ZDHHC11B: variants seen among roughly 807,000 people sequenced by gnomAD.
ZDHHC11B encodes zDHHC palmitoyltransferase 11B (putative).
A neutral mutation model predicts 42.3 loss-of-function variants in ZDHHC11B; 17 were observed. The ratio of observed to expected loss-of-function variants is 0.40; its 90% CI spans 0.27 to 0.60. ZDHHC11B has a LOEUF of 0.60. Ranked by LOEUF, ZDHHC11B falls within the 20% of genes least tolerant of loss-of-function variation. The probability of loss-of-function intolerance (pLI) is 0.41; values close to 1 mark genes in which losing one functional copy is unlikely to be tolerated. For missense variants in ZDHHC11B, 262 were observed against 463.2 expected (o/e 0.57, Z 3.99); for synonymous variants, 123 against 193.5 (o/e 0.64, Z 3.02).
Position 733,728 on chromosome 5 carries a change from G to A in ZDHHC11B, c.1023+24C>T, listed in dbSNP as rs764424464. 32 of 1,596,016 alleles carry A rather than the reference G, an allele frequency of 2.0e-5. 1 individual carries two copies. The highest frequency in any genetic ancestry group is 1.1e-4 in the African/African-American group (8 of 74,046). ...CTGCACACGGCCCTGTCCTCAGGGT[G>A]CATTGCTGGTGACTGCAACTTACCT... On this transcript the variant is annotated intron_variant, in intron 11 of 13. Coordinates refer to ENST00000508859, the MANE Select transcript of ZDHHC11B (RefSeq NM_001351303.2).
At chr5:775,426 GAGAA>G (rs1340599048) in intron 1 of ZDHHC11B, among the ~76,000 whole-genome samples, 1 of 152,002 alleles carries the variant, frequency 6.6e-6, no homozygotes, top group Non-Finnish European at 1.5e-5. Flanking sequence ...TGTCTCTGCG[GAGAA>G]AGACTCTGTG....
Position 777,548 on chromosome 5 carries a change from G to A in ZDHHC11B, c.-230+7120C>T, listed in dbSNP as rs148283689. Among the ~76,000 whole-genome samples, 339 of 151,860 alleles carry A rather than the reference G, an allele frequency of 2.2e-3. 10 individuals carry two copies. The highest frequency in any genetic ancestry group is 6.8e-3 in the Middle Eastern group (2 of 294). On this transcript the variant is annotated intron_variant, in intron 1 of 13. Transcript: ENST00000508859. ...ACAGCGGAGAAGAGAATGGAGTCAG[G>A]TTGCGGCAGGGCGTTCCGGCTACCC...
intron 4 of ZDHHC11B, among the ~76,000 whole-genome samples, chr5:760,952 G>A (rs1175330231): frequency 1.3e-5 from 2 of 151,686 alleles, no homozygotes; most frequent in Non-Finnish European, 2.9e-5. Flanking sequence ...CCAGGTGGTG[G>A]AGCAAGACAC....
At chr5:733,247 C>T (rs1441896078) in intron 11 of ZDHHC11B, among the ~76,000 whole-genome samples, 1 of 150,702 alleles carries the variant, frequency 6.6e-6, no homozygotes, top group African/African-American at 2.5e-5. Context: ...AAACCACACA[C>T]ATAACCACAC....
chr5:773,024 G>T (rs10223315), intron 1 of ZDHHC11B, among the ~76,000 whole-genome samples: 1 of 151,560 alleles, frequency 6.6e-6, no homozygotes, highest in Admixed American at 6.6e-5. Flanking sequence ...GGAGGAGCAG[G>T]ACACGGGCCA....
chr5:745,928 C>T (rs1290002476), intron 8 of ZDHHC11B, among the ~76,000 whole-genome samples: 2 of 149,878 alleles, frequency 1.3e-5, no homozygotes, highest in Admixed American at 6.7e-5. Context: ...CCACTCAGCA[C>T]AGCCTCTGAT....
chr5:733,385 T>A (rs1743197702), intron 11 of ZDHHC11B, among the ~76,000 whole-genome samples: 2 of 151,846 alleles, frequency 1.3e-5, no homozygotes, highest in Non-Finnish European at 2.9e-5. Flanking sequence ...AGCATGTGGC[T>A]TCTGCCATGG....
chr5:766,699 A>G lies in ZDHHC11B; in HGVS notation c.221T>C (p.Val74Ala), dbSNP rs1461977689. 5.0e-6 allele frequency: 8 copies of G among 1,606,724 alleles called. No homozygotes were observed. In the Middle Eastern group the frequency reaches 6.6e-4, roughly 132 times the overall value. ...LPHSWKYIAY[V>A]VTGGIFSFHL... is the part of the protein sequence containing the mutation. Reference sequence around the variant, plus strand: ...ACCATGCCACGATGAAAAGGATACCACATAGGCGATGTATTTCCACGAGTG... The same window carrying G: ...ACCATGCCACGATGAAAAGGATACCGCATAGGCGATGTATTTCCACGAGTG... Residue 74 changes from valine to alanine, a missense_variant and splice_region_variant, in exon 4 of 14, where the codon GTG becomes GCG. Physicochemically the swap from Val to Ala is moderately conservative, Grantham distance 64 (BLOSUM62 0). This residue lies in a region of ZDHHC11B where 97 missense variants were observed against 98.1 expected (regional missense o/e 0.99). Coordinates refer to ENST00000508859, the MANE Select transcript of ZDHHC11B (RefSeq NM_001351303.2).
intron 12 of ZDHHC11B, 25 bp from the exon 13 acceptor site, chr5:716,890 G>T (rs11746056): frequency 6.3e-7 from 1 of 1,589,620 alleles, no homozygotes; most frequent in Non-Finnish European, 8.6e-7. Flanking sequence ...CAGAAAGAGA[G>T]ACAACAGAGA....
chr5:754,553 C>T (rs868688776), intron 6 of ZDHHC11B, among the ~76,000 whole-genome samples: 723 of 110,124 alleles, frequency 6.6e-3, no homozygotes, highest in African/African-American at 7.7e-3. Flanking sequence ...GAGCCTCCAC[C>T]GTGCTCAGGG....
intron 4 of ZDHHC11B, among the ~76,000 whole-genome samples, chr5:761,614 T>G (rs1268586388): frequency 6.6e-6 from 1 of 151,826 alleles, no homozygotes; most frequent in Non-Finnish European, 1.5e-5. Flanking sequence ...GTGTGCCGGG[T>G]GGACACGTGG....
chr5:748,616 G>A, intron 7 of ZDHHC11B, 57 bp from the exon 8 acceptor site: 1 of 1,309,932 alleles, frequency 7.6e-7, no homozygotes, highest in Non-Finnish European at 1.0e-6. Context: ...TGCCACATCA[G>A]GTGGATGTCA....
chr5:748,275 G>A lies in ZDHHC11B; in HGVS notation c.784+129C>T, dbSNP rs1249404449. On this transcript the variant is annotated intron_variant, in intron 8 of 13. Transcript: ENST00000508859. The stretch of plus-strand genomic sequence containing the variant: ...GCTGACCCTGAACACATGCGCACAC[G>A]GGGGACAAAGACTCTGGCCCCAGGT... 6.5e-5 allele frequency: 48 copies of A among 740,568 alleles called. 4 individuals carry two copies. Among genetic ancestry groups the A allele is most frequent in the African/African-American group, 2.4e-4 (15 of 61,994 alleles). The allele number at this position is 740,568 out of a possible 1,614,324, so 45.9% of individuals were successfully genotyped here. A position where few individuals can be genotyped will look rare whatever the true frequency, so the allele number is the denominator to read the frequency against.
At chr5:758,009 G>A (rs1302794116) in intron 4 of ZDHHC11B, among the ~76,000 whole-genome samples, 9 of 151,808 alleles carry the variant, frequency 5.9e-5, no homozygotes, top group African/African-American at 1.9e-4. Context: ...AAAGGGTGTG[G>A]GTCAGCTGGG....
intron 1 of ZDHHC11B, among the ~76,000 whole-genome samples, chr5:780,153 T>G (rs2150249367): frequency 6.6e-6 from 1 of 150,672 alleles, no homozygotes; most frequent in African/African-American, 2.4e-5. Context: ...TGGGGGCGAA[T>G]GGCTTTAATC....
intron 12 of ZDHHC11B, among the ~76,000 whole-genome samples, chr5:719,114 C>T: frequency 6.6e-6 from 1 of 151,836 alleles, no homozygotes; most frequent in Admixed American, 6.6e-5. Flanking sequence ...AAGAAATACA[C>T]ATTTTGCAAA....
At position 771,134 on chromosome 5, in the gene ZDHHC11B, G is replaced by A. The variant is rs377289585; in HGVS notation, c.-229-2204C>T. On this transcript the variant is annotated intron_variant, in intron 1 of 13. Coordinates refer to ENST00000508859, the MANE Select transcript of ZDHHC11B (RefSeq NM_001351303.2). The stretch of plus-strand genomic sequence containing the variant: ...GACACAAGAGCCGGTGGGAGGGTCC[G>A]TGCCGAGGACACATGTGCGTGTCCC... 5.3e-5 allele frequency among the ~76,000 whole-genome samples: 8 copies of A among 151,964 alleles called. 1 individual carries two copies. Among genetic ancestry groups the A allele is most frequent in the Admixed American group, 2.0e-4 (3 of 15,258 alleles).
intron 12 of ZDHHC11B, among the ~76,000 whole-genome samples, chr5:718,226 A>G (rs1214520271): frequency 6.6e-6 from 1 of 151,862 alleles, no homozygotes; most frequent in African/African-American, 2.4e-5. Context: ...ATAAAAATGC[A>G]GAGGAAGTTT....
chr5:724,370 A>T (rs1742406533), intron 12 of ZDHHC11B, among the ~76,000 whole-genome samples: 1 of 83,176 alleles, frequency 1.2e-5, no homozygotes, highest in Non-Finnish European at 2.5e-5. Context: ...AAACCCAGCT[A>T]ATTTTTTTTT....
Sources: gnomAD v4.1 joint callset for allele counts (sites outside exome capture counted in the v4.1 genomes callset) on GRCh38, gnomAD v4.1.1 for gene constraint, gnomAD v4.1.1 regional missense constraint, MANE v1.5 for transcripts, NCBI Gene and HGNC (gene_info 2026-07-23, HGNC 2026-07-21) for gene names.